The following HDAC9 variants were observed in gnomAD, a reference collection of about 807,000 sequenced individuals.
HDAC9 encodes the protein MEF-2 interacting transcription repressor (MITR) protein.
Under a neutral mutation model 139.4 loss-of-function variants are expected in HDAC9, and 41 were observed. That is an observed-to-expected ratio of 0.29 (90% CI 0.23 to 0.38). The LOEUF is 0.38. Ranked by LOEUF, HDAC9 falls within the 10% of genes least tolerant of loss-of-function variation. HDAC9 has a pLI of 1.00. For synonymous variants in HDAC9, 517 were observed against 476.2 expected, an observed-to-expected ratio of 1.09 and a Z score of -1.12; for missense variants, 1,147 against 1,297.0, an observed-to-expected ratio of 0.88 and a Z score of 1.78.
At chr7:18,510,108 G>A (rs1222749549) in intron 2 of HDAC9, among the ~76,000 whole-genome samples, 3 of 152,106 alleles carry the variant, frequency 2.0e-5, no homozygotes, top group South Asian at 4.1e-4. Flanking sequence ...ACATTTTTGA[G>A]GTGTTAGAGC....
chr7:18,601,170 C>T (rs1833835310), intron 6 of HDAC9, among the ~76,000 whole-genome samples: 1 of 152,148 alleles, frequency 6.6e-6, no homozygotes, highest in African/African-American at 2.4e-5. Flanking sequence ...TCTAGTTTTT[C>T]TCATTTACAT....
intron 21 of HDAC9, among the ~76,000 whole-genome samples, chr7:18,870,636 A>G (rs1343357638): frequency 6.6e-6 from 1 of 152,160 alleles, no homozygotes; most frequent in Non-Finnish European, 1.5e-5. Flanking sequence ...GATTGACAGC[A>G]AACTTTTGTC....
Position 18,104,812 on chromosome 7 carries a change from T to G in HDAC9, c.-97+17599T>G, listed in dbSNP as rs1441974395. On this transcript the variant is annotated intron_variant, in intron 1 of 12. Coordinates refer to the HDAC9 transcript ENST00000417496. ...TAAGGGAGATCACAAATTGGCAGCT[T>G]ATAGACATGTTTTGTTGATGCCACA... is the stretch of plus-strand genomic sequence containing the variant. 5.9e-5 allele frequency among the ~76,000 whole-genome samples: 9 copies of G among 152,248 alleles called. No homozygotes were observed. The East Asian group carries it at 1.7e-3, about 29-fold the overall frequency.
At chr7:18,807,814 A>C (rs558695360) in intron 17 of HDAC9, among the ~76,000 whole-genome samples, 3 of 152,100 alleles carry the variant, frequency 2.0e-5, no homozygotes, top group Non-Finnish European at 4.4e-5. Context: ...GTCTTCATAA[A>C]TCTGTTAAGA....
chr7:18,995,224 G>C (rs78759943), intron 25 of HDAC9, among the ~76,000 whole-genome samples: 1 of 152,130 alleles, frequency 6.6e-6, no homozygotes, highest in Admixed American at 6.5e-5. Context: ...GAGCTCAGAC[G>C]CAAACTCAAT....
Position 18,406,362 on chromosome 7 carries a change from A to G in HDAC9, c.-41-89900A>G, listed in dbSNP as rs527720526. 7.2e-5 allele frequency among the ~76,000 whole-genome samples: 11 copies of G among 152,098 alleles called. No individual in the cohort carries two copies. The South Asian group carries it at 1.7e-3, about 23-fold the overall frequency. On this transcript the variant is annotated intron_variant, in intron 1 of 3. Coordinates refer to the HDAC9 transcript ENST00000413509. ...AATTATGTTTGTACCAACCCAATCAATATTTCCCTTTTTTTCTTTTTCTTT... is the reference window on the plus strand; with the variant it reads ...AATTATGTTTGTACCAACCCAATCAGTATTTCCCTTTTTTTCTTTTTCTTT...
Position 18,762,185 on chromosome 7 carries a change from A to T in HDAC9, c.2072A>T (p.Glu691Val). The change falls in exon 15 of 26, where the codon GAG (glutamate) becomes GTG (valine). Residue 691 changes from glutamate (E) to valine (V), a missense_variant. This residue lies in a region of HDAC9 where 407 missense variants were observed against 521.5 expected (regional missense o/e 0.78). Coordinates refer to ENST00000686413, the MANE Select transcript of HDAC9 (RefSeq NM_178425.4). ...ERIQGRKASL[E>V]EIQLVHSEHH... ...ATTCAAGGTCGAAAAGCCAGCCTGG[A>T]GGAAATACAGCTTGTTCATTCTGAA... 6.2e-7 allele frequency: 1 copy of T among 1,613,580 alleles called. No homozygotes were observed. Among genetic ancestry groups the T allele is most frequent in the Non-Finnish European group, 8.5e-7 (1 of 1,179,682 alleles).
At chr7:18,356,079 C>A (rs1464206472) in intron 1 of HDAC9, among the ~76,000 whole-genome samples, 2 of 151,836 alleles carry the variant, frequency 1.3e-5, no homozygotes, top group Non-Finnish European at 2.9e-5. Context: ...TCTAAATATA[C>A]CTTAGTAAAG....
chr7:18,973,509 T>C (rs1784374451), intron 24 of HDAC9, among the ~76,000 whole-genome samples: 1 of 152,196 alleles, frequency 6.6e-6, no homozygotes, highest in African/African-American at 2.4e-5. Context: ...CGGACACCCA[T>C]GTCAACAGGT....
intron 2 of HDAC9, among the ~76,000 whole-genome samples, chr7:18,234,155 G>A (rs1470772501): frequency 6.6e-6 from 1 of 152,204 alleles, no homozygotes; most frequent in Non-Finnish European, 1.5e-5. Context: ...TTATATGAGG[G>A]AGGCAGTGTA....
At chr7:18,450,499 C>A (rs532345152) in intron 1 of HDAC9, among the ~76,000 whole-genome samples, 5 of 152,192 alleles carry the variant, frequency 3.3e-5, no homozygotes, top group African/African-American at 1.2e-4. Context: ...GTCTCCGCCC[C>A]TTTCCCAGTT....
intron 13 of HDAC9, among the ~76,000 whole-genome samples, chr7:18,747,022 G>C (rs554479520): frequency 1.3e-5 from 2 of 152,270 alleles, no homozygotes; most frequent in African/African-American, 4.8e-5. Flanking sequence ...CTGGAGTTAT[G>C]GAGGTCAAGA....
At chr7:18,859,779 CTCT>C (rs1290366467) in intron 21 of HDAC9, among the ~76,000 whole-genome samples, 9 of 128,402 alleles carry the variant, frequency 7.0e-5, no homozygotes, top group Non-Finnish European at 1.5e-4. Flanking sequence ...TTTTTCTCTC[CTCT>C]TGAGAAGAAA....
At chr7:18,579,335 C>G (rs577880911) in intron 2 of HDAC9, among the ~76,000 whole-genome samples, 88 of 152,114 alleles carry the variant, frequency 5.8e-4, no homozygotes, top group Non-Finnish European at 7.2e-4. Context: ...ATTAAGGAAG[C>G]CTTGAGACAG....
chr7:18,214,664 C>A (rs1279631664), intron 2 of HDAC9, among the ~76,000 whole-genome samples: 1 of 151,682 alleles, frequency 6.6e-6, no homozygotes, highest in Non-Finnish European at 1.5e-5. Context: ...TATATGATAG[C>A]CATTATATAT....
intron 2 of HDAC9, among the ~76,000 whole-genome samples, chr7:18,545,196 G>T (rs922224713): frequency 1.3e-5 from 2 of 152,130 alleles, no homozygotes; most frequent in African/African-American, 4.8e-5. Context: ...AAGTGTGAAT[G>T]GAAACACAGT....
chr7:18,412,903 G>A (rs1788705155), intron 1 of HDAC9, among the ~76,000 whole-genome samples: 1 of 152,114 alleles, frequency 6.6e-6, no homozygotes, highest in East Asian at 1.9e-4. Flanking sequence ...AAAATTAAAT[G>A]AATATTGATT....
chr7:18,127,037 T>G (rs1365864874), intron 1 of HDAC9, among the ~76,000 whole-genome samples: 1 of 152,160 alleles, frequency 6.6e-6, no homozygotes, highest in Non-Finnish European at 1.5e-5. Flanking sequence ...ATTTTGGTTT[T>G]GCAGCAATGC....
intron 2 of HDAC9, among the ~76,000 whole-genome samples, chr7:18,212,667 G>A (rs148246107): frequency 2.3e-3 from 345 of 152,332 alleles, no homozygotes; most frequent in Non-Finnish European, 4.0e-3. Context: ...TCATAAGACA[G>A]AGGAGGCATC....
Sources: gnomAD v4.1 joint callset for allele counts (sites outside exome capture counted in the v4.1 genomes callset) on GRCh38, gnomAD v4.1.1 for gene constraint, gnomAD v4.1.1 regional missense constraint, MANE v1.5 for transcripts, NCBI Gene and HGNC (gene_info 2026-07-23, HGNC 2026-07-21) for gene names.